The following NCKAP5 variants were observed in gnomAD, a reference collection of about 807,000 sequenced individuals.
NCKAP5 encodes the protein NCK associated protein 5, also known as nck-associated protein 5.
In NCKAP5, 92 loss-of-function variants were observed where a neutral mutation model predicts 167.0. The observed-to-expected ratio is 0.55, with a 90% CI of 0.47 to 0.66. NCKAP5 has a LOEUF of 0.66. Among genes scored for constraint, NCKAP5 ranks in the 30% least tolerant of loss-of-function variants. The pLI, the probability that NCKAP5 is intolerant of heterozygous loss-of-function variation, is 0.00. For missense variants in NCKAP5, 2,378 were observed against 2,315.0 expected (o/e 1.03, Z -0.56); for synonymous variants, 891 against 877.4 (o/e 1.02, Z -0.27).
intron 2 of NCKAP5, among the ~76,000 whole-genome samples, chr2:133,529,528 A>G (rs1393752522): frequency 6.6e-6 from 1 of 152,214 alleles, no homozygotes; most frequent in Non-Finnish European, 1.5e-5. Context: ...CCATCCCACC[A>G]TGAGCAAGTC....
intron 3 of NCKAP5, among the ~76,000 whole-genome samples, chr2:133,413,802 T>C (rs1448844499): frequency 1.3e-5 from 2 of 152,206 alleles, no homozygotes; most frequent in Non-Finnish European, 2.9e-5. Context: ...GGCATTACAA[T>C]CTTCATTTTG....
At chr2:132,707,133 G>A (rs778198498) in intron 19 of NCKAP5, among the ~76,000 whole-genome samples, 4 of 152,230 alleles carry the variant, frequency 2.6e-5, no homozygotes, top group Admixed American at 6.5e-5. Flanking sequence ...TGGAAAGACA[G>A]TCTTGAATCA....
In NCKAP5 at chr2:132,781,945, C is replaced by T. The variant is rs1253811984; in HGVS notation, c.4866G>A (p.Leu1622=). ...STKDTFMTEL[L]NRVDKKAAPQ... is the part of the protein sequence containing the mutation. ...CTGCTTTTCCAGTGAGTTACCTGTT[C>T]AAGAGTTCCGTCATGAAGGTGTCTT... The change falls in exon 14 of 20, where the codon TTG becomes TTA. Residue 1622 remains leucine (L), a synonymous_variant. Transcript: ENST00000409261. 1 of 1,610,520 alleles carries T rather than the reference C, an allele frequency of 6.2e-7. No individual in the cohort carries two copies. Among genetic ancestry groups the T allele is most frequent in the South Asian group, 1.1e-5 (1 of 90,500 alleles).
chr2:133,292,306 A>T (rs984702539), intron 4 of NCKAP5, among the ~76,000 whole-genome samples: 30 of 138,918 alleles, frequency 2.2e-4, no homozygotes, highest in East Asian at 6.1e-4. Context: ...TTCTAGATTT[A>T]AAAAAAAAAA....
At chr2:133,097,624 G>A (rs2081383019) in intron 6 of NCKAP5, among the ~76,000 whole-genome samples, 1 of 152,138 alleles carries the variant, frequency 6.6e-6, no homozygotes, top group African/African-American at 2.4e-5. Context: ...TTGGTGGATG[G>A]CTCCAACAGT....
intron 3 of NCKAP5, among the ~76,000 whole-genome samples, chr2:133,337,810 T>G (rs1171214385): frequency 6.6e-6 from 1 of 152,234 alleles, no homozygotes; most frequent in Non-Finnish European, 1.5e-5. Flanking sequence ...GGTATTTTAT[T>G]ATGGCAGCCC....
rs750161528 is a variant in NCKAP5, at chr2:132,782,072, C to A, written c.4739G>T (p.Gly1580Val). 3 of 1,614,006 alleles carry A rather than the reference C, an allele frequency of 1.9e-6. No individual in the cohort carries two copies. The East Asian group carries it at 6.7e-5, about 36-fold the overall frequency. Residue 1580 changes from glycine (G) to valine (V), a missense_variant, in exon 14 of 20, where the codon GGC becomes GTC. Physicochemically the swap from Gly to Val is moderately radical, Grantham distance 109 (BLOSUM62 -3). Coordinates refer to ENST00000409261, the MANE Select transcript of NCKAP5 (RefSeq NM_207363.3). ...CCGATTATTTTTGCTTTGTAAACCG[C>A]CATCTGGATTATCTGCTGACTTGGT... is the stretch of plus-strand genomic sequence containing the variant. Reference protein sequence around the residue: ...KDTKSADNPDGGLQSKNNRRT... With the variant: ...KDTKSADNPDVGLQSKNNRRT...
intron 5 of NCKAP5, among the ~76,000 whole-genome samples, chr2:133,157,741 T>C (rs76554635): frequency 2.0e-5 from 3 of 152,290 alleles, no homozygotes; most frequent in Non-Finnish European, 4.4e-5. Flanking sequence ...AGAAACTGCA[T>C]AGAAGAGAAA....
intron 6 of NCKAP5, among the ~76,000 whole-genome samples, chr2:133,076,209 A>G (rs2080596054): frequency 6.6e-6 from 1 of 152,232 alleles, no homozygotes; most frequent in Non-Finnish European, 1.5e-5. Context: ...CTGCCTTCTT[A>G]ATTTACTTCT....
intron 8 of NCKAP5, among the ~76,000 whole-genome samples, chr2:132,923,299 TG>T (rs1695586678): frequency 6.6e-6 from 1 of 152,158 alleles, no homozygotes; most frequent in African/African-American, 2.4e-5. Context: ...ATCAGCTAAA[TG>T]AGAAAATGCA....
At chr2:133,260,745 TA>T (rs1367654263) in intron 4 of NCKAP5, among the ~76,000 whole-genome samples, 8 of 152,130 alleles carry the variant, frequency 5.3e-5, no homozygotes, top group Admixed American at 2.0e-4. Context: ...AAAAAGTGAC[TA>T]AGAGGAAAAA....
intron 7 of NCKAP5, 32 bp downstream of exon 7, chr2:132,994,120 G>C: frequency 6.9e-7 from 1 of 1,439,118 alleles, no homozygotes; most frequent in South Asian, 1.3e-5. Flanking sequence ...AAGCAGACCA[G>C]TACCCAGCCA....
At chr2:133,080,455 T>G (rs1337123665) in intron 6 of NCKAP5, among the ~76,000 whole-genome samples, 1 of 152,162 alleles carries the variant, frequency 6.6e-6, no homozygotes, top group East Asian at 1.9e-4. Context: ...TCACCTACTG[T>G]CTGTTTTGTA....
chr2:132,751,736 T>C (rs1680133550), intron 16 of NCKAP5, among the ~76,000 whole-genome samples: 1 of 152,202 alleles, frequency 6.6e-6, no homozygotes, highest in Non-Finnish European at 1.5e-5. Context: ...TCCCTGCATG[T>C]GTCTCTAGGG....
intron 6 of NCKAP5, among the ~76,000 whole-genome samples, chr2:133,089,000 TTAAA>T (rs769893150): frequency 3.5e-4 from 53 of 152,212 alleles, no homozygotes; most frequent in Non-Finnish European, 5.7e-4. Context: ...GGAAACCACC[TTAAA>T]TAAAGTACAG....
chr2:132,784,326 C>G lies in NCKAP5; in HGVS notation c.2485G>C (p.Gly829Arg). 1 of 1,613,972 alleles carries G rather than the reference C, an allele frequency of 6.2e-7. No individual in the cohort carries two copies. Among genetic ancestry groups the G allele is most frequent in the Middle Eastern group, 1.7e-4 (1 of 6,060 alleles). Reference sequence around the variant, plus strand: ...GGTGATTTTTCAAGAGTCACCAGGCCAGATGAAGGGAGTAGTGTGGTGGCT... The same window carrying G: ...GGTGATTTTTCAAGAGTCACCAGGCGAGATGAAGGGAGTAGTGTGGTGGCT... ...PEATTLLPSS[G>R]LVTLEKSPAL... Residue 829 changes from glycine (G) to arginine (R), a missense_variant, in exon 14 of 20, where the codon GGC (glycine) becomes CGC (arginine). Physicochemically the swap from Gly to Arg is moderately radical, Grantham distance 125. Coordinates refer to ENST00000409261, the MANE Select transcript of NCKAP5 (RefSeq NM_207363.3).
At chr2:133,245,705 G>C (rs1416229756) in intron 4 of NCKAP5, among the ~76,000 whole-genome samples, 2 of 151,866 alleles carry the variant, frequency 1.3e-5, no homozygotes, top group African/African-American at 2.4e-5. Flanking sequence ...AGAAAACATA[G>C]AGGAAAAACA....
At chr2:133,273,819 TA>T (rs1030893024) in intron 4 of NCKAP5, among the ~76,000 whole-genome samples, 4 of 150,916 alleles carry the variant, frequency 2.7e-5, no homozygotes, top group Admixed American at 6.6e-5. Flanking sequence ...TGGGGGAAGA[TA>T]AAAAAAATTA....
chr2:133,097,998 C>A (rs2081394882), intron 6 of NCKAP5, among the ~76,000 whole-genome samples: 1 of 152,106 alleles, frequency 6.6e-6, no homozygotes, highest in South Asian at 2.1e-4. Context: ...TGGCTTTTGG[C>A]AATCTTTCTA....
Sources: allele counts gnomAD v4.1 joint callset (sites outside exome capture counted in the v4.1 genomes callset), GRCh38; gene constraint gnomAD v4.1.1; transcripts MANE v1.5; gene names NCBI Gene and HGNC (gene_info 2026-07-23, HGNC 2026-07-21).